The following ZBTB20 variants were observed in gnomAD, a reference collection of about 807,000 sequenced individuals.
The protein encoded by ZBTB20 is zinc finger and BTB domain containing 20.
A neutral mutation model predicts 56.9 loss-of-function variants in ZBTB20; 9 were observed. The ratio of observed to expected loss-of-function variants is 0.16; its 90% CI spans 0.10 to 0.28. The LOEUF (loss-of-function observed/expected upper bound fraction) is 0.28. Ranked by LOEUF, ZBTB20 falls within the 10% of genes least tolerant of loss-of-function variation. The pLI is 1.00. For missense variants in ZBTB20, 655 were observed against 1,003.0 expected, an observed-to-expected ratio of 0.65 and a Z score of 4.69; for synonymous variants, 417 against 420.7, an observed-to-expected ratio of 0.99 and a Z score of 0.11.
intron 5 of ZBTB20, among the ~76,000 whole-genome samples, chr3:114,735,831 T>G (rs1236856355): frequency 6.6e-6 from 1 of 152,080 alleles, no homozygotes; most frequent in Non-Finnish European, 1.5e-5. Flanking sequence ...TTACTTATAG[T>G]TAGGAACAGA....
chr3:114,817,396 T>C (rs1400935402), intron 4 of ZBTB20, among the ~76,000 whole-genome samples: 3 of 151,782 alleles, frequency 2.0e-5, no homozygotes, highest in Non-Finnish European at 4.4e-5. Context: ...CACATGCCTG[T>C]AATCCGAGCT....
At chr3:114,409,654 A>C (rs927112570) in intron 7 of ZBTB20, among the ~76,000 whole-genome samples, 3 of 152,132 alleles carry the variant, frequency 2.0e-5, no homozygotes, top group Admixed American at 2.0e-4. Flanking sequence ...GAATTCATTT[A>C]GCTTTTTAAT....
chr3:115,127,114 T>G (rs984093459), intron 1 of ZBTB20, among the ~76,000 whole-genome samples: 51 of 152,314 alleles, frequency 3.3e-4, no homozygotes, highest in African/African-American at 1.2e-3. Flanking sequence ...GTAGGTGGTA[T>G]GAATGCTGCC....
intron 7 of ZBTB20, among the ~76,000 whole-genome samples, chr3:114,413,543 G>A (rs185091653): frequency 1.4e-4 from 22 of 152,244 alleles, no homozygotes; most frequent in African/African-American, 3.9e-4. Flanking sequence ...TCCTGTCCCT[G>A]TGATCAGAAA....
intron 7 of ZBTB20, among the ~76,000 whole-genome samples, chr3:114,429,502 G>A (rs535731401): frequency 6.6e-6 from 1 of 152,238 alleles, no homozygotes; most frequent in Admixed American, 6.5e-5. Flanking sequence ...CGGTAGCTCA[G>A]AAACAGAGCT....
chr3:114,894,000 T>C (rs1288271506), intron 4 of ZBTB20, among the ~76,000 whole-genome samples: 3 of 152,192 alleles, frequency 2.0e-5, no homozygotes, highest in African/African-American at 4.8e-5. Flanking sequence ...TTTTGATAGA[T>C]AAAATGTCCC....
intron 4 of ZBTB20, among the ~76,000 whole-genome samples, chr3:114,820,232 G>A (rs1247725923): frequency 6.6e-6 from 1 of 151,902 alleles, no homozygotes; most frequent in Non-Finnish European, 1.5e-5. Flanking sequence ...ACATGAAGGA[G>A]TTAATTAAAA....
chr3:114,979,326 A>C (rs973859515), intron 2 of ZBTB20, among the ~76,000 whole-genome samples: 1 of 152,058 alleles, frequency 6.6e-6, no homozygotes, highest in African/African-American at 2.4e-5. Context: ...AGATGCTCCA[A>C]ATCAGTTTTG....
chr3:114,837,685 C>T (rs1318844054), intron 4 of ZBTB20, among the ~76,000 whole-genome samples: 2 of 152,052 alleles, frequency 1.3e-5, no homozygotes, highest in African/African-American at 4.8e-5. Flanking sequence ...AAACCACAAG[C>T]TTTTTAAAAA....
At chr3:115,013,793 G>C (rs1468523817) in intron 2 of ZBTB20, among the ~76,000 whole-genome samples, 1 of 151,586 alleles carries the variant, frequency 6.6e-6, no homozygotes, top group Non-Finnish European at 1.5e-5. Context: ...ATGGAGAAAA[G>C]GGAACCCTTG....
In ZBTB20 at chr3:114,325,298, T is replaced by C. The variant is rs2079027407; in HGVS notation, c.*13707A>G. On this transcript the variant is annotated 3_prime_UTR_variant, in exon 12 of 12. Coordinates refer to ENST00000675478, the MANE Select transcript of ZBTB20 (RefSeq NM_001348800.3). ...ACAGCTGGTTCCAAATTAAAGTTTG[T>C]CCCAAGGAGAGCAAGAGCAGAGTAA... is the stretch of plus-strand genomic sequence containing the variant. The C allele has an allele frequency of 6.6e-6, 1 of 152,182 alleles. No individual in the cohort carries two copies. Among genetic ancestry groups the C allele is most frequent in the South Asian group, 2.1e-4 (1 of 4,834 alleles). 9.4% of individuals were successfully genotyped at this position (152,182 alleles called of 1,614,324 possible).
intron 7 of ZBTB20, among the ~76,000 whole-genome samples, chr3:114,416,713 CCT>C (rs2088599682): frequency 6.6e-6 from 1 of 151,974 alleles, no homozygotes; most frequent in African/African-American, 2.4e-5. Context: ...ATAATCAGTC[CCT>C]CTTTTCAGGG....
chr3:114,366,390 G>A (rs1011295814), intron 10 of ZBTB20, among the ~76,000 whole-genome samples: 1 of 151,810 alleles, frequency 6.6e-6, no homozygotes, highest in Admixed American at 6.6e-5. Context: ...TTTCTGGGGG[G>A]AATGGGGGTG....
At chr3:115,113,052 T>C (rs144175453) in intron 1 of ZBTB20, among the ~76,000 whole-genome samples, 53 of 152,290 alleles carry the variant, frequency 3.5e-4, no homozygotes, top group East Asian at 3.1e-3. Context: ...ATTAGTGATG[T>C]TGAGCATTTT....
At chr3:114,441,506 G>A (rs1168661919) in intron 7 of ZBTB20, among the ~76,000 whole-genome samples, 1 of 152,058 alleles carries the variant, frequency 6.6e-6, no homozygotes, top group African/African-American at 2.4e-5. Flanking sequence ...AAGACCCACT[G>A]CACTACGAAT....
At chr3:114,644,599 C>G (rs2059741077) in intron 6 of ZBTB20, among the ~76,000 whole-genome samples, 1 of 152,050 alleles carries the variant, frequency 6.6e-6, no homozygotes, top group African/African-American at 2.4e-5. Flanking sequence ...AATCAAAGAA[C>G]AACAGGTGCT....
At chr3:114,574,965 G>A (rs77633867) in intron 6 of ZBTB20, among the ~76,000 whole-genome samples, 4,369 of 152,168 alleles carry the variant, frequency 0.029, 215 homozygotes, top group African/African-American at 0.098. Context: ...ATAAAGACAG[G>A]GAGACACAAT....
At chr3:114,507,521 T>C (rs1196480787) in intron 6 of ZBTB20, among the ~76,000 whole-genome samples, 2 of 152,104 alleles carry the variant, frequency 1.3e-5, no homozygotes, top group Non-Finnish European at 2.9e-5. Flanking sequence ...TAGGGCAAAA[T>C]GACATTAAAC....
chr3:115,141,008 T>C (rs2084797539), intron 1 of ZBTB20, among the ~76,000 whole-genome samples: 1 of 152,124 alleles, frequency 6.6e-6, no homozygotes. Flanking sequence ...TTTTTATTGA[T>C]ATAATTAGCA....
Sources: gnomAD v4.1 joint callset for allele counts (sites outside exome capture counted in the v4.1 genomes callset) on GRCh38, gnomAD v4.1.1 for gene constraint, MANE v1.5 for transcripts, NCBI Gene and HGNC (gene_info 2026-07-23, HGNC 2026-07-21) for gene names.